The following PVT1 variants were observed in gnomAD, a reference collection of about 807,000 sequenced individuals.
The protein encoded by PVT1 is Pvt1 oncogene, also known as CXCR4/PVT1 fusion.
At chr8:127,960,277 C>T (rs977134569) in intron 3 of PVT1, among the ~76,000 whole-genome samples, 1 of 151,978 alleles carries the variant, frequency 6.6e-6, no homozygotes, top group Admixed American at 6.6e-5. Flanking sequence ...GTTGATTTGT[C>T]CCAGGTCACA....
At chr8:128,034,201 C>T (rs886866082) in intron 4 of PVT1, among the ~76,000 whole-genome samples, 6 of 151,892 alleles carry the variant, frequency 4.0e-5, no homozygotes, top group African/African-American at 1.5e-4. Flanking sequence ...CCTCTTCTTC[C>T]TCTTTCCTTC....
intron 2 of PVT1, among the ~76,000 whole-genome samples, chr8:127,849,639 CAT>C (rs1815081621): frequency 1.3e-5 from 2 of 151,082 alleles, no homozygotes; most frequent in Admixed American, 6.6e-5. Flanking sequence ...ACAGCCTGTA[CAT>C]ATGTGTGTGT....
intron 3 of PVT1, among the ~76,000 whole-genome samples, chr8:127,986,677 C>T (rs1027295861): frequency 7.2e-5 from 11 of 152,206 alleles, no homozygotes; most frequent in African/African-American, 2.7e-4. Flanking sequence ...TGACCCCCTG[C>T]TGAGCAGGTT....
intron 3 of PVT1, among the ~76,000 whole-genome samples, chr8:127,917,483 CA>C (rs932576297): frequency 1.8e-4 from 28 of 152,342 alleles, no homozygotes; most frequent in African/African-American, 6.7e-4. Flanking sequence ...TGACCCAGGA[CA>C]GACTGGTCTT....
chr8:127,935,065 C>T (rs1816255920), intron 3 of PVT1, among the ~76,000 whole-genome samples: 1 of 152,068 alleles, frequency 6.6e-6, no homozygotes. Flanking sequence ...CTCCCAGGTT[C>T]AAGCCATTCT....
rs397891135 is a variant in PVT1, at chr8:127,998,533, CTT to C, written n.912+9244_912+9245del. On this transcript the variant is annotated intron_variant and non_coding_transcript_variant, in intron 4 of 10. Coordinates refer to ENST00000651587, the Ensembl canonical transcript of PVT1. ...CTTTCTTCCTTTTCTTTCCTTCTTT[CTT>C]TCTCTCTCTCTCTCTCTCTCTCTTC... 1.9e-4 allele frequency among the ~76,000 whole-genome samples: 15 copies of C among 79,930 alleles called. No individual in the cohort carries two copies. The East Asian group carries it at 1.9e-3, about 10-fold the overall frequency. The allele number at this position is 79,930 out of a possible 152,430, so 52.4% of individuals were successfully genotyped here. A position where few individuals can be genotyped will look rare whatever the true frequency, so the allele number is the denominator to read the frequency against.
intron 3 of PVT1, among the ~76,000 whole-genome samples, chr8:127,925,516 G>A (rs559651458): frequency 6.6e-6 from 1 of 152,252 alleles, no homozygotes; most frequent in East Asian, 1.9e-4. Context: ...CTTTTATTCA[G>A]CACTTACCAT....
At position 127,814,112 on chromosome 8, in the gene PVT1, G is replaced by A. The variant is rs115463418; in HGVS notation, n.372+18041G>A. Among the ~76,000 whole-genome samples, 229 of 152,332 alleles carry A rather than the reference G, an allele frequency of 1.5e-3. 1 individual carries two copies. Among genetic ancestry groups the A allele is most frequent in the Middle Eastern group, 3.4e-3 (1 of 294 alleles). On this transcript the variant is annotated intron_variant and non_coding_transcript_variant, in intron 2 of 10. Transcript: ENST00000651587. ...ATGGGAAATTATTTTTGCACTTTCA[G>A]TTGTCCTAAATCTAGAGTTTTCCTT...
intron 2 of PVT1, among the ~76,000 whole-genome samples, chr8:127,812,946 A>G (rs1814615319): frequency 6.6e-6 from 1 of 152,090 alleles, no homozygotes; most frequent in Non-Finnish European, 1.5e-5. Flanking sequence ...CAGTCCATGC[A>G]TTTAGGAGGC....
intron 3 of PVT1, among the ~76,000 whole-genome samples, chr8:127,957,785 A>C (rs1303296976): frequency 6.6e-6 from 1 of 152,226 alleles, no homozygotes; most frequent in African/African-American, 2.4e-5. Flanking sequence ...AGCTGATAGC[A>C]CTGCAACCCC....
chr8:127,846,796 C>G (rs570275728), intron 2 of PVT1, among the ~76,000 whole-genome samples: 3 of 151,520 alleles, frequency 2.0e-5, no homozygotes, highest in South Asian at 4.2e-4. Context: ...CTCACCCTCC[C>G]AAGTAGCTGG....
intron 2 of PVT1, among the ~76,000 whole-genome samples, chr8:127,813,238 A>G (rs1350429152): frequency 2.1e-5 from 3 of 145,146 alleles, no homozygotes; most frequent in Admixed American, 7.4e-5. Context: ...ATACAAATAT[A>G]TAATATACAA....
At chr8:127,868,782 T>TATATATATGTATATAC in intron 2 of PVT1, among the ~76,000 whole-genome samples, 1 of 60,664 alleles carries the variant, frequency 1.6e-5, no homozygotes, top group South Asian at 6.1e-4. Context: ...TATATATATA[T>TATATATATGTATATAC]ATATATATAT....
At chr8:127,974,822 T>G (rs1026492284) in intron 3 of PVT1, among the ~76,000 whole-genome samples, 1 of 152,262 alleles carries the variant, frequency 6.6e-6, no homozygotes, top group African/African-American at 2.4e-5. Context: ...CAGATTGTTT[T>G]CAGATATCTG....
At chr8:128,058,876 C>G (rs920697329) in intron 4 of PVT1, among the ~76,000 whole-genome samples, 1 of 152,194 alleles carries the variant, frequency 6.6e-6, no homozygotes, top group Non-Finnish European at 1.5e-5. Context: ...CCAGCCTCAT[C>G]TGTTTGGCAC....
At chr8:127,839,832 G>A (rs1183870757) in intron 2 of PVT1, among the ~76,000 whole-genome samples, 1 of 152,170 alleles carries the variant, frequency 6.6e-6, no homozygotes, top group Non-Finnish European at 1.5e-5. Context: ...GGGCTGGGGA[G>A]GATTGGCTGC....
intron 3 of PVT1, among the ~76,000 whole-genome samples, chr8:127,921,728 A>G (rs77775499): frequency 0.029 from 4,465 of 151,784 alleles, 231 homozygotes; most frequent in African/African-American, 0.1. Context: ...CATGAGAATC[A>G]CTTGAACTCA....
chr8:127,991,787 A>G (rs1409870106), intron 4 of PVT1, among the ~76,000 whole-genome samples: 1 of 152,194 alleles, frequency 6.6e-6, no homozygotes, highest in African/African-American at 2.4e-5. Context: ...AGAAAGGCCC[A>G]GGCATTTGCA....
chr8:128,040,337 C>T (rs1813515849), intron 4 of PVT1, among the ~76,000 whole-genome samples: 1 of 152,162 alleles, frequency 6.6e-6, no homozygotes, highest in Non-Finnish European at 1.5e-5. Flanking sequence ...CCCACATTGC[C>T]TTTGGACTCA....
Sources: allele counts gnomAD v4.1 joint callset (sites outside exome capture counted in the v4.1 genomes callset), GRCh38; gene constraint gnomAD v4.1.1; transcripts MANE v1.5; gene names NCBI Gene and HGNC (gene_info 2026-07-23, HGNC 2026-07-21).